PVALEF: variants seen among roughly 807,000 people sequenced by gnomAD.
The protein encoded by PVALEF is parvalbumin-like EF-hand-containing protein.
Under a neutral mutation model 1.2 loss-of-function variants are expected in PVALEF, and 2 were observed. The ratio of observed to expected loss-of-function variants is 1.68; its 90% CI spans 0.69 to 5.28. The LOEUF (loss-of-function observed/expected upper bound fraction) is 5.28. Among genes scored for constraint, PVALEF ranks in the 30% most tolerant of loss-of-function variants. PVALEF has a pLI of 0.06. For missense variants in PVALEF, 35 were observed against 17.7 expected, an observed-to-expected ratio of 1.97 and a Z score of -1.75; for synonymous variants, 16 against 6.5, an observed-to-expected ratio of 2.47 and a Z score of -2.24.
At chr17:81,180,631 A>G (rs74002092) in intron 3 of PVALEF, among the ~76,000 whole-genome samples, 12,588 of 152,014 alleles carry the variant, frequency 0.083, 664 homozygotes, top group East Asian at 0.17. Flanking sequence ...AGCTGGAGGC[A>G]CCGAGGGTTG....
chr17:81,176,926 CTT>C (rs34506557), intron 2 of PVALEF, among the ~76,000 whole-genome samples: 5 of 130,910 alleles, frequency 3.8e-5, no homozygotes, highest in Non-Finnish European at 3.1e-5. Context: ...GTATTAGTCA[CTT>C]TTTTTTTTTT....
intron 5 of PVALEF, 52 bp downstream of exon 5, chr17:81,181,746 C>T (rs767462863): frequency 1.8e-5 from 7 of 398,844 alleles, no homozygotes; most frequent in Admixed American, 4.4e-5. Context: ...CAGACCACGC[C>T]GAATGCCCAC....
intron 2 of PVALEF, among the ~76,000 whole-genome samples, chr17:81,167,821 G>T (rs1370223024): frequency 6.6e-6 from 1 of 152,258 alleles, no homozygotes; most frequent in East Asian, 1.9e-4. Context: ...AGGTAAAGAA[G>T]CCGCGTGGGT....
chr17:81,176,843 A>C (rs543906622), intron 2 of PVALEF, among the ~76,000 whole-genome samples: 44 of 152,278 alleles, frequency 2.9e-4, no homozygotes, highest in African/African-American at 1.0e-3. Flanking sequence ...CAATTGCCAA[A>C]AGGTGGACGA....
chr17:81,180,131 C>A (rs765086106), intron 3 of PVALEF, among the ~76,000 whole-genome samples: 1 of 152,202 alleles, frequency 6.6e-6, no homozygotes, highest in Non-Finnish European at 1.5e-5. Context: ...ATCTCGGGCT[C>A]CCCTGCCTTC....
At chr17:81,166,603 G>A in intron 1 of PVALEF, 74 bp from the exon 2 acceptor site, 1 of 439,992 alleles carries the variant, frequency 2.3e-6, no homozygotes, top group South Asian at 1.6e-5. Context: ...AAAGGTTCAG[G>A]GAGACAGGTG....
At chr17:81,167,669 C>A (rs563277044) in intron 2 of PVALEF, among the ~76,000 whole-genome samples, 6 of 152,330 alleles carry the variant, frequency 3.9e-5, no homozygotes, top group Admixed American at 2.0e-4. Flanking sequence ...TGCCCTCAGA[C>A]CTTAGGGGTC....
chr17:81,165,661 G>T lies in PVALEF; in HGVS notation c.-594G>T, dbSNP rs893129961. On this transcript the variant is annotated 5_prime_UTR_variant, in exon 1 of 7. In the 5' UTR this introduces an upstream ATG that the reference lacks. Coordinates refer to ENST00000637878, the MANE Select transcript of PVALEF (RefSeq NM_001354639.2). ...CTCCTGGACACCAGGGGCCCACGCA[G>T]GCCCTCCGTGCCCCAGTTACCTGTG... 51 of 1,500,040 alleles carry T rather than the reference G, an allele frequency of 3.4e-5. No homozygotes were observed. Among genetic ancestry groups the T allele is most frequent in the Non-Finnish European group, 4.1e-5 (46 of 1,124,126 alleles). The allele number at this position is 1,500,040 out of a possible 1,614,324, so 92.9% of individuals were successfully genotyped here.
At chr17:81,181,097 C>T (rs933725091) in intron 3 of PVALEF, 26 bp from the exon 4 acceptor site, 4 of 629,672 alleles carry the variant, frequency 6.4e-6, no homozygotes, top group South Asian at 1.8e-5. Flanking sequence ...AACACTGTGA[C>T]GCCTGTCACC....
At chr17:81,166,540 G>C (rs1193572864) in intron 1 of PVALEF, 137 bp from the exon 2 acceptor site, 5 of 314,406 alleles carry the variant, frequency 1.6e-5, no homozygotes, top group African/African-American at 1.3e-4. Context: ...ATGGTAAGTC[G>C]TGAGTGGGTA....
At chr17:81,182,205 G>A in intron 6 of PVALEF, 124 bp downstream of exon 6, 1 of 396,728 alleles carries the variant, frequency 2.5e-6, no homozygotes, top group Non-Finnish European at 4.4e-6. Context: ...CCCAGGCTCA[G>A]GGGTCTGGGC....
intron 2 of PVALEF, among the ~76,000 whole-genome samples, chr17:81,176,041 A>G (rs1309033699): frequency 1.3e-5 from 2 of 152,266 alleles, no homozygotes; most frequent in East Asian, 1.9e-4. Context: ...TAGATGAATA[A>G]CCAGAAATTT....
intron 2 of PVALEF, among the ~76,000 whole-genome samples, chr17:81,170,366 C>T (rs1567835715): frequency 6.6e-6 from 1 of 151,184 alleles, no homozygotes; most frequent in African/African-American, 2.4e-5. Context: ...TGTGTCTGTG[C>T]GTGTGTGTGT....
chr17:81,173,433 A>G lies in PVALEF; in HGVS notation c.-339-5485A>G, dbSNP rs1379900679. 2.0e-5 allele frequency among the ~76,000 whole-genome samples: 3 copies of G among 152,170 alleles called. No homozygotes were observed. In the East Asian group the frequency reaches 5.8e-4, roughly 29 times the overall value. Reference sequence around the variant, plus strand: ...CCTCGCATTCTCCCCTACAGCCCCCATGAAGCAGCAGGTGGGGTGGGAGCT... The same window carrying G: ...CCTCGCATTCTCCCCTACAGCCCCCGTGAAGCAGCAGGTGGGGTGGGAGCT... On this transcript the variant is annotated intron_variant, in intron 2 of 6. Coordinates refer to ENST00000637878, the MANE Select transcript of PVALEF (RefSeq NM_001354639.2).
chr17:81,172,688 C>T (rs1324867379), intron 2 of PVALEF, among the ~76,000 whole-genome samples: 2 of 151,992 alleles, frequency 1.3e-5, no homozygotes, highest in Admixed American at 1.3e-4. Context: ...TGAACCCAGC[C>T]GGGAGGTGGA....
chr17:81,170,352 C>T (rs1364558856), intron 2 of PVALEF, among the ~76,000 whole-genome samples: 4 of 150,344 alleles, frequency 2.7e-5, no homozygotes, highest in Admixed American at 6.6e-5. Context: ...TGTGTAGGTG[C>T]GTGTGTGTCT....
intron 2 of PVALEF, among the ~76,000 whole-genome samples, chr17:81,169,756 G>A (rs2061511930): frequency 6.6e-6 from 1 of 151,874 alleles, no homozygotes; most frequent in Non-Finnish European, 1.5e-5. Context: ...GTGTCTATGT[G>A]TGTGTATGCA....
At chr17:81,166,299 G>A (rs1485157616) in intron 1 of PVALEF, among the ~76,000 whole-genome samples, 1 of 93,152 alleles carries the variant, frequency 1.1e-5, no homozygotes, top group Non-Finnish European at 2.3e-5. Flanking sequence ...CATGGGGGGA[G>A]CACGGAGAGG....
At chr17:81,166,018 C>T (rs1173917979) in intron 1 of PVALEF, 2 of 1,533,114 alleles carry the variant, frequency 1.3e-6, no homozygotes, top group Non-Finnish European at 1.8e-6. Context: ...CGGCGGGCAT[C>T]CCGGGAGGGC....
Sources: allele counts gnomAD v4.1 joint callset (sites outside exome capture counted in the v4.1 genomes callset), GRCh38; gene constraint gnomAD v4.1.1; transcripts MANE v1.5; gene names NCBI Gene and HGNC (gene_info 2026-07-23, HGNC 2026-07-21).